The following LIPJ variants were observed in gnomAD, a reference collection of about 807,000 sequenced individuals.
LIPJ encodes the protein lipase family member J.
Under a neutral mutation model 39.8 loss-of-function variants are expected in LIPJ, and 33 were observed. The ratio of observed to expected loss-of-function variants is 0.83; its 90% confidence interval spans 0.63 to 1.11. The LOEUF is 1.11. Among genes scored for constraint, LIPJ ranks in the 50% least tolerant of loss-of-function variants. The probability of loss-of-function intolerance (pLI) is 0.00; values close to 1 mark genes in which losing one functional copy is unlikely to be tolerated. For missense variants in LIPJ, 422 were observed against 427.9 expected (o/e 0.99, Z 0.12); for synonymous variants, 128 against 139.2 (o/e 0.92, Z 0.57).
chr10:88,588,586 G>A lies in LIPJ; in HGVS notation c.-104+1194G>A, dbSNP rs117709031. Among the ~76,000 whole-genome samples the A allele has an allele frequency of 6.7e-3, 1,016 of 151,862 alleles. 28 individuals carry two copies. In the South Asian group the frequency reaches 0.084, roughly 13 times the overall value. On this transcript the variant is annotated intron_variant, in intron 2 of 10. Coordinates refer to ENST00000371939, the Ensembl canonical transcript of LIPJ. Reference sequence around the variant, plus strand: ...CAGCATGATATGGATGAAAAAACACGTCATCCTGCCATTTTCTTGTTTTCA... The same window carrying A: ...CAGCATGATATGGATGAAAAAACACATCATCCTGCCATTTTCTTGTTTTCA...
At chr10:88,589,101 A>G (rs1285811644) in intron 2 of LIPJ, among the ~76,000 whole-genome samples, 3 of 152,036 alleles carry the variant, frequency 2.0e-5, no homozygotes. Flanking sequence ...TTTATTTTAA[A>G]AGGTATCTTG....
chr10:88,586,531 C>G (rs904895319), upstream of LIPJ, among the ~76,000 whole-genome samples: 2 of 152,148 alleles, frequency 1.3e-5, no homozygotes, highest in South Asian at 4.1e-4. Context: ...TCTTCTCTAA[C>G]CACTTGACCT....
At chr10:88,594,441 T>C (rs1564932852) in intron 5 of LIPJ, 2 of 463,612 alleles carry the variant, frequency 4.3e-6, no homozygotes, top group Non-Finnish European at 7.6e-6. Flanking sequence ...CCCTACTCTA[T>C]TTTTCATATA....
the LIPJ span, among the ~76,000 whole-genome samples, chr10:88,619,948 A>T: frequency 6.4e-3 from 970 of 152,184 alleles, 9 homozygotes; most frequent in African/African-American, 0.022. Flanking sequence ...AAAAGACACT[A>T]AAAAAATAAA....
rs1851079395 is a variant in LIPJ, at chr10:88,591,510, T to C, written c.130+12T>C. ...TAATAAAAATCTAGGTAATATTCAATTGAAGATGGATTGGTGACAATCTGG... is the reference window on the plus strand; with the variant it reads ...TAATAAAAATCTAGGTAATATTCAACTGAAGATGGATTGGTGACAATCTGG... On this transcript the variant is annotated intron_variant, in intron 4 of 10. Transcript: ENST00000371939. 1.3e-6 allele frequency: 2 copies of C among 1,590,898 alleles called. No homozygotes were observed. The highest frequency in any genetic ancestry group is 2.7e-5 in the African/African-American group (2 of 73,550).
chr10:88,592,521 T>C lies in LIPJ; in HGVS notation c.130+1023T>C, dbSNP rs2134547004. 2.0e-5 allele frequency: 3 copies of C among 151,908 alleles called. No homozygotes were observed. In the South Asian group the frequency reaches 6.2e-4, roughly 31 times the overall value. The allele number at this position is 151,908 out of a possible 1,614,324, so 9.4% of individuals were successfully genotyped here. Reference sequence around the variant, plus strand: ...TAGGGTAAAGAGTTAAGGAATAATATAATATGACTCAGCTTGGGGCTAGCT... The same window carrying C: ...TAGGGTAAAGAGTTAAGGAATAATACAATATGACTCAGCTTGGGGCTAGCT... On this transcript the variant is annotated intron_variant, in intron 4 of 10. Transcript: ENST00000371939.
upstream of LIPJ, among the ~76,000 whole-genome samples, chr10:88,586,079 T>C (rs1443235694): frequency 6.6e-6 from 1 of 152,244 alleles, no homozygotes; most frequent in Non-Finnish European, 1.5e-5. Flanking sequence ...TCGTTTTTGC[T>C]TGCATCTCCT....
At chr10:88,589,022 C>T (rs980280773) in intron 2 of LIPJ, among the ~76,000 whole-genome samples, 1 of 151,764 alleles carries the variant, frequency 6.6e-6, no homozygotes, top group Non-Finnish European at 1.5e-5. Context: ...ATAAATTGGG[C>T]AGTCAAAACC....
intron 8 of LIPJ, among the ~76,000 whole-genome samples, chr10:88,601,111 G>T (rs1053821545): frequency 6.6e-6 from 1 of 151,954 alleles, no homozygotes; most frequent in African/African-American, 2.4e-5. Context: ...ACCATGACTG[G>T]CTAATTTTTG....
the LIPJ span, chr10:88,618,963 G>A: frequency 1.3e-5 from 2 of 152,154 alleles, no homozygotes; most frequent in African/African-American, 2.4e-5. Context: ...ACATCAAACT[G>A]TTTTGTACTT....
intron 5 of LIPJ, chr10:88,594,438 C>T (rs1851185685): frequency 2.1e-6 from 1 of 465,592 alleles, no homozygotes; most frequent in East Asian, 3.5e-5. Flanking sequence ...CTACCCTACT[C>T]TATTTTTCAT....
intron 10 of LIPJ, among the ~76,000 whole-genome samples, chr10:88,606,397 T>C (rs1044557588): frequency 1.3e-5 from 2 of 152,206 alleles, no homozygotes; most frequent in African/African-American, 4.8e-5. Flanking sequence ...TTTCATGTTT[T>C]ATAAACAGTA....
At chr10:88,603,268 A>G (rs1335384843) in intron 9 of LIPJ, among the ~76,000 whole-genome samples, 1 of 152,132 alleles carries the variant, frequency 6.6e-6, no homozygotes, top group Non-Finnish European at 1.5e-5. Context: ...AAGCTATTCC[A>G]CTTTTAAAAT....
At chr10:88,594,584 A>C in intron 5 of LIPJ, 83 bp from the exon 6 acceptor site, 1 of 627,344 alleles carries the variant, frequency 1.6e-6, no homozygotes, top group Non-Finnish European at 2.6e-6. Flanking sequence ...AATTGCCTTT[A>C]TTCAGTTATC....
At chr10:88,612,572 A>G in the LIPJ span, among the ~76,000 whole-genome samples, 144 of 152,310 alleles carry the variant, frequency 9.5e-4, 1 homozygote, top group African/African-American at 3.2e-3. Flanking sequence ...ACCAAAAGCT[A>G]GCAGGAGTAG....
the LIPJ span, among the ~76,000 whole-genome samples, chr10:88,623,155 T>C: frequency 3.3e-5 from 5 of 152,140 alleles, no homozygotes; most frequent in African/African-American, 9.7e-5. Flanking sequence ...TTGTTGGAGG[T>C]ACTGAAATAA....
exon 2 of LIPJ, chr10:88,587,342 C>G (rs1244289315): frequency 6.6e-6 from 1 of 152,036 alleles, no homozygotes; most frequent in Admixed American, 6.6e-5. Context: ...ATATGACTGA[C>G]TACTTTGAAG....
chr10:88,602,738 G>A, intron 9 of LIPJ, 91 bp downstream of exon 9: 1 of 644,170 alleles, frequency 1.6e-6, no homozygotes, highest in Non-Finnish European at 2.6e-6. Context: ...TGGCCATAGA[G>A]TAATAAATTT....
intron 2 of LIPJ, among the ~76,000 whole-genome samples, chr10:88,589,689 C>T (rs944629514): frequency 7.2e-5 from 11 of 151,778 alleles, no homozygotes; most frequent in African/African-American, 2.7e-4. Context: ...TGTAAATTAT[C>T]TCCCTAAATT....
Sources: gnomAD v4.1 joint callset for allele counts (sites outside exome capture counted in the v4.1 genomes callset) on GRCh38, gnomAD v4.1.1 for gene constraint, MANE v1.5 for transcripts, NCBI Gene and HGNC (gene_info 2026-07-23, HGNC 2026-07-21) for gene names.